Variants in CAMTA1 observed in about 807,000 individuals in gnomAD.
The protein encoded by CAMTA1 is calmodulin binding transcription activator 1.
In CAMTA1, 27 loss-of-function variants were observed where a neutral mutation model predicts 170.9. The ratio of observed to expected loss-of-function variants is 0.16; its 90% confidence interval spans 0.12 to 0.22. The LOEUF is 0.22. CAMTA1 is among the 10% of genes least tolerant of loss of function. The pLI, the probability that CAMTA1 is intolerant of heterozygous loss-of-function variation, is 1.00. For missense variants in CAMTA1, 1,619 were observed against 2,217.2 expected, an observed-to-expected ratio of 0.73 and a Z score of 5.42; for synonymous variants, 833 against 891.5, an observed-to-expected ratio of 0.93 and a Z score of 1.17.
At chr1:7,690,936 CACG>C (rs1191069690) in intron 11 of CAMTA1, among the ~76,000 whole-genome samples, 1 of 152,234 alleles carries the variant, frequency 6.6e-6, no homozygotes, top group African/African-American at 2.4e-5. Flanking sequence ...CCCGGTTATT[CACG>C]ACAACCGTCA....
Position 7,736,400 on chromosome 1 carries a change from A to G in CAMTA1, c.3123A>G (p.Val1041=), listed in dbSNP as rs376995273. 33 of 1,613,928 alleles carry G rather than the reference A, an allele frequency of 2.0e-5. No individual in the cohort carries two copies. The highest frequency in any genetic ancestry group is 2.7e-5 in the African/African-American group (2 of 74,882). The change falls in exon 13 of 23, where the codon GTA becomes GTG. Residue 1041 remains valine, a synonymous_variant. Coordinates refer to ENST00000303635, the MANE Select transcript of CAMTA1 (RefSeq NM_015215.4). The surrounding 1 kb of genome is among the most constrained non-coding windows in gnomAD (Gnocchi z 4.5). ...GSCFESRVVV[V]CEKMMSRACW... ...GCTTTGAGAGCCGTGTGGTCGTGGT[A>G]TGCGAGAAGATGATGAGCCGAGCCT...
rs1672388435 is a variant in CAMTA1 at position 7,286,654 on chromosome 1, G to C, written c.438+37028G>C. 6.6e-6 allele frequency among the ~76,000 whole-genome samples: 1 copy of C among 152,198 alleles called. No homozygotes were observed. Among genetic ancestry groups the C allele is most frequent in the African/African-American group, 2.4e-5 (1 of 41,454 alleles). Reference sequence around the variant, plus strand: ...GGAGCTGCTGGGCTAGAGTACAGGTGTCGTATCTCAGAGCATGTTAGGCTA... The same window carrying C: ...GGAGCTGCTGGGCTAGAGTACAGGTCTCGTATCTCAGAGCATGTTAGGCTA... On this transcript the variant is annotated intron_variant, in intron 5 of 22. Transcript: ENST00000303635. This position sits in a 1 kb window ranked among gnomAD's most constrained non-coding sequence, Gnocchi z 4.2.
intron 9 of CAMTA1, among the ~76,000 whole-genome samples, chr1:7,669,862 A>G (rs2096040846): frequency 6.6e-6 from 1 of 152,182 alleles, no homozygotes; most frequent in African/African-American, 2.4e-5. Flanking sequence ...AGCCGTAAGT[A>G]GGGGACCTCC....
chr1:7,450,852 G>A (rs919521217), intron 5 of CAMTA1, among the ~76,000 whole-genome samples: 20 of 147,386 alleles, frequency 1.4e-4, no homozygotes, highest in African/African-American at 4.8e-4. Flanking sequence ...CTCTATTGGG[G>A]CAGAGAGAGC....
intron 6 of CAMTA1, among the ~76,000 whole-genome samples, chr1:7,553,969 A>T (rs933240790): frequency 2.0e-5 from 3 of 152,174 alleles, no homozygotes; most frequent in African/African-American, 7.2e-5. Context: ...ATTTGTACTC[A>T]GGTTCTTTCA....
intron 3 of CAMTA1, among the ~76,000 whole-genome samples, chr1:6,975,647 C>T (rs1253172589): frequency 1.3e-5 from 2 of 152,114 alleles, no homozygotes; most frequent in Non-Finnish European, 2.9e-5. Flanking sequence ...TTCATTGAGA[C>T]AGAATTGTAG....
intron 6 of CAMTA1, among the ~76,000 whole-genome samples, chr1:7,481,302 T>C (rs2093530019): frequency 6.6e-6 from 1 of 152,226 alleles, no homozygotes; most frequent in African/African-American, 2.4e-5. Flanking sequence ...TCTGAAGACC[T>C]GTACCCTTGA....
rs545402840 is a variant in CAMTA1 at position 7,299,933 on chromosome 1, G to A, written c.438+50307G>A. On this transcript the variant is annotated intron_variant, in intron 5 of 22. Transcript: ENST00000303635. This position sits in a 1 kb window ranked among gnomAD's most constrained non-coding sequence, Gnocchi z 4.7. ...GGGCCCGTGCAACCAGAGGTGCCCC[G>A]AAAGCTTAAGTGTCATTGACTTCCT... Among the ~76,000 whole-genome samples, 13 of 152,296 alleles carry A rather than the reference G, an allele frequency of 8.5e-5. No individual in the cohort carries two copies. Among genetic ancestry groups the A allele is most frequent in the Non-Finnish European group, 1.2e-4 (8 of 68,024 alleles).
chr1:7,701,881 T>C (rs908038142), intron 11 of CAMTA1, among the ~76,000 whole-genome samples: 6 of 152,130 alleles, frequency 3.9e-5, no homozygotes. Flanking sequence ...CGTGCCTTAT[T>C]CTCTCATCTT....
At chr1:7,430,855 T>A (rs1170864016) in intron 5 of CAMTA1, among the ~76,000 whole-genome samples, 4 of 152,258 alleles carry the variant, frequency 2.6e-5, no homozygotes, top group African/African-American at 4.8e-5. Flanking sequence ...TAGAGTCTCA[T>A]GCATCCCTTT....
chr1:7,576,256 C>T (rs755460924), intron 6 of CAMTA1, among the ~76,000 whole-genome samples: 1 of 152,040 alleles, frequency 6.6e-6, no homozygotes, highest in African/African-American at 2.4e-5. Context: ...GTGATCCATC[C>T]GCCTCGGCCA....
chr1:7,512,464 C>A (rs972690339), intron 6 of CAMTA1, among the ~76,000 whole-genome samples: 1 of 152,156 alleles, frequency 6.6e-6, no homozygotes, highest in Non-Finnish European at 1.5e-5. Flanking sequence ...GGAATCTCAG[C>A]GGCTGACAGG....
At chr1:7,450,730 A>G (rs1178518637) in intron 5 of CAMTA1, among the ~76,000 whole-genome samples, 3 of 152,216 alleles carry the variant, frequency 2.0e-5, no homozygotes, top group Admixed American at 6.5e-5. Context: ...GGAAATTTGT[A>G]CCACATGCAG....
intron 3 of CAMTA1, among the ~76,000 whole-genome samples, chr1:6,893,151 G>A (rs1297023878): frequency 2.0e-5 from 3 of 152,004 alleles, no homozygotes; most frequent in Non-Finnish European, 2.9e-5. Context: ...GCATGGTGGC[G>A]TGCCTGTAAT....
At chr1:7,444,549 C>G (rs569571442) in intron 5 of CAMTA1, among the ~76,000 whole-genome samples, 110 of 152,320 alleles carry the variant, frequency 7.2e-4, no homozygotes, top group African/African-American at 2.4e-3. Flanking sequence ...AAGGACAGCC[C>G]AGCCTAGGGA....
At chr1:7,126,136 G>A (rs918340316) in intron 4 of CAMTA1, among the ~76,000 whole-genome samples, 3 of 152,070 alleles carry the variant, frequency 2.0e-5, no homozygotes, top group African/African-American at 7.2e-5. Flanking sequence ...AACAGTATGG[G>A]GGAAGCTGCC....
chr1:7,483,441 T>A (rs1327372423), intron 6 of CAMTA1, among the ~76,000 whole-genome samples: 1 of 152,068 alleles, frequency 6.6e-6, no homozygotes, highest in Non-Finnish European at 1.5e-5. Context: ...GGGGAGCTCT[T>A]CTCCCCACCC....
rs1426244379 is a variant in CAMTA1, at chr1:7,482,998, C to T, written c.510+15097C>T. 6.6e-6 allele frequency among the ~76,000 whole-genome samples: 1 copy of T among 152,154 alleles called. No homozygotes were observed. The highest frequency in any genetic ancestry group is 2.4e-5 in the African/African-American group (1 of 41,454). On this transcript the variant is annotated intron_variant, in intron 6 of 22. Coordinates refer to ENST00000303635, the MANE Select transcript of CAMTA1 (RefSeq NM_015215.4). This position sits in a 1 kb window ranked among gnomAD's most constrained non-coding sequence, Gnocchi z 4.2. ...TGGAGCCAGTGCCAGCCAACTGGGG[C>T]CACCTCTACAGCCTGAGAGGGCTGC... is the stretch of plus-strand genomic sequence containing the variant.
At chr1:7,119,381 C>CCA (rs752217472) in intron 4 of CAMTA1, among the ~76,000 whole-genome samples, 16 of 152,102 alleles carry the variant, frequency 1.1e-4, no homozygotes, top group Non-Finnish European at 1.9e-4. Flanking sequence ...GAGACACAAA[C>CCA]CACAGGGCTC....
Sources: gnomAD v4.1 joint callset for allele counts (sites outside exome capture counted in the v4.1 genomes callset) on GRCh38, gnomAD v4.1.1 for gene constraint, Gnocchi (gnomAD v3.1) non-coding constraint, MANE v1.5 for transcripts, NCBI Gene and HGNC (gene_info 2026-07-23, HGNC 2026-07-21) for gene names.